LRP1: variants seen among roughly 807,000 people sequenced by gnomAD.
LRP1 encodes LDL receptor related protein 1.
LRP1 carries 51 observed loss-of-function variants against 541.5 expected under a neutral mutation model. That is an observed-to-expected ratio of 0.09 (90% CI 0.08 to 0.12). The LOEUF is 0.12. Among genes scored for constraint, LRP1 ranks in the 10% least tolerant of loss-of-function variants. The probability of loss-of-function intolerance (pLI) is 1.00; values close to 1 mark genes in which losing one functional copy is unlikely to be tolerated. For synonymous variants in LRP1, 2,219 were observed against 2,470.8 expected, an observed-to-expected ratio of 0.90 and a Z score of 3.02; for missense variants, 3,878 against 6,376.2, an observed-to-expected ratio of 0.61 and a Z score of 13.34.
chr12:57,186,840 C>T (rs984840244), intron 41 of LRP1, among the ~76,000 whole-genome samples: 2 of 152,204 alleles, frequency 1.3e-5, no homozygotes, highest in Admixed American at 1.3e-4. Flanking sequence ...TCTCACTGTG[C>T]CTTGGTTCTT....
Position 57,179,857 on chromosome 12 carries a change from A to C in LRP1, c.5042A>C (p.Lys1681Thr), listed in dbSNP as rs569894458. 9 of 1,614,164 alleles carry C rather than the reference A, an allele frequency of 5.6e-6. No individual in the cohort carries two copies. In the African/African-American group the frequency reaches 1.2e-4, roughly 22 times the overall value. ...TTCTGGACAAGCTATGACACCAATA[A>C]GAAGCAGATCAATGTGGCCCGGCTG... ...NLFWTSYDTN[K>T]KQINVARLDG... The change falls in exon 30 of 89, where the codon AAG becomes ACG. Residue 1681 changes from lysine to threonine, a missense_variant. By Grantham distance (78) the Lys-to-Thr change is moderately conservative. Transcript: ENST00000243077. The surrounding 1 kb of genome is among the most constrained non-coding windows in gnomAD (Gnocchi z 6.8).
intron 6 of LRP1, among the ~76,000 whole-genome samples, chr12:57,145,976 A>C (rs998478595): frequency 1.3e-5 from 2 of 151,830 alleles, no homozygotes; most frequent in African/African-American, 2.4e-5. Context: ...CCATCGGGGG[A>C]GGGCAGTACT....
chr12:57,168,543 TC>T (rs984741161), intron 19 of LRP1, among the ~76,000 whole-genome samples: 4 of 152,064 alleles, frequency 2.6e-5, no homozygotes, highest in Admixed American at 2.6e-4. Flanking sequence ...AACCCCAGTC[TC>T]CACCACATGT....
chr12:57,135,111 G>C (rs186194104), intron 1 of LRP1, among the ~76,000 whole-genome samples: 1 of 152,174 alleles, frequency 6.6e-6, no homozygotes, highest in Admixed American at 6.5e-5. Flanking sequence ...GAGGGGGGCC[G>C]CAAGGGCACC....
chr12:57,201,595 G>A lies in LRP1; in HGVS notation c.10444G>A (p.Gly3482Ser). 1 of 1,613,730 alleles carries A rather than the reference G, an allele frequency of 6.2e-7. No individual in the cohort carries two copies. Among genetic ancestry groups the A allele is most frequent in the Non-Finnish European group, 8.5e-7 (1 of 1,179,728 alleles). ...VCDRDNDCVD[G>S]SDEPANCTQM... ...CGACCGGGACAATGACTGTGTGGAT[G>A]GCAGTGATGAGCCCGCCAACTGCAG... Residue 3482 changes from glycine (G) to serine (S), a missense_variant, in exon 66 of 89, where the codon GGC (glycine) becomes AGC (serine). Physicochemically the swap from Gly to Ser is moderately conservative, Grantham distance 56. This residue lies in a region of LRP1 where 278 missense variants were observed against 536.3 expected (regional missense o/e 0.52). Transcript: ENST00000243077. This position sits in a 1 kb window ranked among gnomAD's most constrained non-coding sequence, Gnocchi z 6.4.
In LRP1 at chr12:57,201,879, G is replaced by T; in HGVS notation, c.10568G>T (p.Gly3523Val). The change falls in exon 67 of 89, where the codon GGC (glycine) becomes GTC (valine). Residue 3523 changes from glycine to valine, a missense_variant. Coordinates refer to ENST00000243077, the MANE Select transcript of LRP1 (RefSeq NM_002332.3). This position sits in a 1 kb window ranked among gnomAD's most constrained non-coding sequence, Gnocchi z 6.4. ...GACGGAGAGGATGACTGTGGGGATG[G>T]CTCGGATGAGCCCAAGGAAGAGTGT... ...KCDGEDDCGD[G>V]SDEPKEECDE... The T allele has an allele frequency of 1.2e-6, 2 of 1,614,076 alleles. No homozygotes were observed. Among genetic ancestry groups the T allele is most frequent in the Non-Finnish European group, 8.5e-7 (1 of 1,180,014 alleles).
intron 6 of LRP1, among the ~76,000 whole-genome samples, chr12:57,152,130 T>C (rs1354232665): frequency 2.0e-5 from 3 of 151,892 alleles, no homozygotes; most frequent in African/African-American, 4.8e-5. Context: ...ATCCTGAGGC[T>C]GGGGGGGCTG....
chr12:57,197,309 G>A lies in LRP1; in HGVS notation c.9087G>A (p.Pro3029=), dbSNP rs200528840. The change falls in exon 57 of 89, where the codon CCG becomes CCA. Residue 3029 remains proline, a synonymous_variant. Transcript: ENST00000243077. The surrounding 1 kb of genome is among the most constrained non-coding windows in gnomAD (Gnocchi z 4.5). ...HSCKAVTDEE[P]FLIFANRYYL... is the part of the protein sequence containing the mutation. Reference sequence around the variant, plus strand: ...ATCCTCTGTCTGCAGACGAGGAACCGTTTCTGATCTTCGCCAACCGGTACT... The same window carrying A: ...ATCCTCTGTCTGCAGACGAGGAACCATTTCTGATCTTCGCCAACCGGTACT... 3.7e-5 allele frequency: 59 copies of A among 1,614,138 alleles called. No homozygotes were observed. The highest frequency in any genetic ancestry group is 8.0e-5 in the African/African-American group (6 of 75,036).
intron 68 of LRP1, 99 bp from the exon 69 acceptor site, chr12:57,203,082 A>T: frequency 1.1e-6 from 1 of 876,262 alleles, no homozygotes; most frequent in Non-Finnish European, 1.7e-6. Flanking sequence ...TGGCCTTCAG[A>T]GACACGGGGA....
At chr12:57,141,212 TG>T (rs1297239858) in intron 2 of LRP1, among the ~76,000 whole-genome samples, 161 bp from the exon 3 acceptor site, 1 of 152,124 alleles carries the variant, frequency 6.6e-6, no homozygotes, top group African/African-American at 2.4e-5. Flanking sequence ...GTGGCTACTG[TG>T]GGGAATATTG....
Position 57,201,255 on chromosome 12 carries a change from T to A in LRP1, c.10345+102T>A. ...TTGAGAGGCTCTCAAATAACTTTAGTAGATGGGCAACACAAATTATATTGG... is the reference window on the plus strand; with the variant it reads ...TTGAGAGGCTCTCAAATAACTTTAGAAGATGGGCAACACAAATTATATTGG... On this transcript the variant is annotated intron_variant, in intron 65 of 88. Coordinates refer to ENST00000243077, the MANE Select transcript of LRP1 (RefSeq NM_002332.3). The surrounding 1 kb of genome is among the most constrained non-coding windows in gnomAD (Gnocchi z 6.4). The A allele has an allele frequency of 1.3e-6, 2 of 1,538,144 alleles. No individual in the cohort carries two copies. The highest frequency in any genetic ancestry group is 2.4e-5 in the South Asian group (2 of 84,086).
Position 57,156,377 on chromosome 12 carries a change from G to A in LRP1, c.1417+94G>A. ...CAGCCCCTCTCTGGGCCCTCCTGTG[G>A]GGACCCTGGCTTCTTTCATGTCATG... On this transcript the variant is annotated intron_variant, in intron 9 of 88. Coordinates refer to ENST00000243077, the MANE Select transcript of LRP1 (RefSeq NM_002332.3). The surrounding 1 kb of genome is among the most constrained non-coding windows in gnomAD (Gnocchi z 5.2). The A allele has an allele frequency of 7.7e-7, 1 of 1,298,918 alleles. No homozygotes were observed. Among genetic ancestry groups the A allele is most frequent in the South Asian group, 1.4e-5 (1 of 69,384 alleles). 80.5% of individuals were successfully genotyped at this position (1,298,918 alleles called of 1,614,324 possible).
At chr12:57,138,107 A>AC (rs554309915) in intron 1 of LRP1, among the ~76,000 whole-genome samples, 107 of 151,914 alleles carry the variant, frequency 7.0e-4, no homozygotes, top group African/African-American at 2.5e-3. Context: ...GCCTAAATGC[A>AC]CCCCCCTTCA....
rs565445457 is a variant in LRP1 at position 57,151,496 on chromosome 12, G to A, written c.842-2712G>A. Among the ~76,000 whole-genome samples, 18 of 152,216 alleles carry A rather than the reference G, an allele frequency of 1.2e-4. No homozygotes were observed. The South Asian group carries it at 3.1e-3, about 26-fold the overall frequency. ...AGATTCTCCTGTCCTCAGGATTTTC[G>A]GCCTTTGGCCAGAGCCTCTTCAGAA... On this transcript the variant is annotated intron_variant, in intron 6 of 88. Coordinates refer to ENST00000243077, the MANE Select transcript of LRP1 (RefSeq NM_002332.3).
Position 57,156,982 on chromosome 12 carries a change from C to A in LRP1, c.1561+62C>A, listed in dbSNP as rs2035634394. 2 of 1,474,850 alleles carry A rather than the reference C, an allele frequency of 1.4e-6. No homozygotes were observed. Among genetic ancestry groups the A allele is most frequent in the South Asian group, 2.7e-5 (2 of 73,152 alleles). 91.4% of individuals were successfully genotyped at this position (1,474,850 alleles called of 1,614,324 possible). ...GGCTGCGGGAGGGTTCCTCAGGTGT[C>A]CCCCACAGCCCGGCTGCCTCTGTCT... is the stretch of plus-strand genomic sequence containing the variant. On this transcript the variant is annotated intron_variant, in intron 10 of 88. Transcript: ENST00000243077. This position sits in a 1 kb window ranked among gnomAD's most constrained non-coding sequence, Gnocchi z 5.2.
Position 57,194,702 on chromosome 12 carries a change from G to A in LRP1, c.8191+3G>A. On this transcript the variant is annotated splice_donor_region_variant and intron_variant, in intron 50 of 88. Transcript: ENST00000243077. ...TGGCGAGGACGAGACCCACTGCAGT[G>A]AGTGACCACTGCACCCACTCAGTGC... The A allele has an allele frequency of 6.4e-7, 1 of 1,554,798 alleles. No homozygotes were observed. Among genetic ancestry groups the A allele is most frequent in the Non-Finnish European group, 8.7e-7 (1 of 1,149,730 alleles).
In LRP1 at chr12:57,211,366, C is replaced by T; in HGVS notation, c.13091+16C>T. ...TCACCTGCAAGTGAGTGGGGCCCTC[C>T]TCCACAGTTCCACCCAGCTGGGCCC... On this transcript the variant is annotated intron_variant, in intron 84 of 88. Coordinates refer to ENST00000243077, the MANE Select transcript of LRP1 (RefSeq NM_002332.3). The surrounding 1 kb of genome is among the most constrained non-coding windows in gnomAD (Gnocchi z 4.3). The T allele has an allele frequency of 1.2e-6, 2 of 1,613,036 alleles. No individual in the cohort carries two copies. The highest frequency in any genetic ancestry group is 1.7e-6 in the Non-Finnish European group (2 of 1,179,688).
In LRP1 at chr12:57,173,717, A is replaced by G; in HGVS notation, c.3347-63A>G. The G allele has an allele frequency of 6.4e-7, 1 of 1,556,594 alleles. No individual in the cohort carries two copies. The highest frequency in any genetic ancestry group is 8.9e-7 in the Non-Finnish European group (1 of 1,128,720). On this transcript the variant is annotated intron_variant, in intron 21 of 88. Coordinates refer to ENST00000243077, the MANE Select transcript of LRP1 (RefSeq NM_002332.3). This position sits in a 1 kb window ranked among gnomAD's most constrained non-coding sequence, Gnocchi z 4.7. ...TATTAGAGAAGCCCACAGGGTCTGG[A>G]AGGAAGGGCAGGGGGAGCCCCAGTC...
At position 57,204,874 on chromosome 12, in the gene LRP1, T is replaced by TCC; in HGVS notation, c.11194+126_11194+127dup. 6.8e-7 allele frequency: 1 copy of TCC among 1,466,748 alleles called. No homozygotes were observed. The highest frequency in any genetic ancestry group is 9.2e-7 in the Non-Finnish European group (1 of 1,085,082). The allele number at this position is 1,466,748 out of a possible 1,614,324, so 90.9% of individuals were successfully genotyped here. A position where few individuals can be genotyped will look rare whatever the true frequency, so the allele number is the denominator to read the frequency against. ...GAGGACTCGCCCAGGAAGGGGAGGA[T>TCC]CCATTGCTAGGAGCCTGGGGGCTTT... On this transcript the variant is annotated intron_variant, in intron 72 of 88. Coordinates refer to ENST00000243077, the MANE Select transcript of LRP1 (RefSeq NM_002332.3). This position sits in a 1 kb window ranked among gnomAD's most constrained non-coding sequence, Gnocchi z 5.3.
Sources: gnomAD v4.1 joint callset for allele counts (sites outside exome capture counted in the v4.1 genomes callset) on GRCh38, gnomAD v4.1.1 for gene constraint, gnomAD v4.1.1 regional missense constraint, Gnocchi (gnomAD v3.1) non-coding constraint, MANE v1.5 for transcripts, NCBI Gene and HGNC (gene_info 2026-07-23, HGNC 2026-07-21) for gene names.